The following CALN1 variants were observed in gnomAD, a reference collection of about 807,000 sequenced individuals.
CALN1 encodes calneuron 1.
CALN1 carries 17 observed loss-of-function variants against 30.6 expected under a neutral mutation model. That is an observed-to-expected ratio of 0.56 (90% CI 0.38 to 0.83). CALN1 has a LOEUF of 0.83. Ranked by LOEUF, CALN1 falls within the 40% of genes least tolerant of loss-of-function variation. The probability of loss-of-function intolerance (pLI) is 0.00; values close to 1 mark genes in which losing one functional copy is unlikely to be tolerated. For missense variants in CALN1, 291 were observed against 354.9 expected (o/e 0.82, Z 1.45); for synonymous variants, 156 against 131.4 (o/e 1.19, Z -1.28).
intron 5 of CALN1, among the ~76,000 whole-genome samples, chr7:72,015,274 G>A (rs1197783377): frequency 6.6e-6 from 1 of 152,176 alleles, no homozygotes; most frequent in Non-Finnish European, 1.5e-5. Context: ...TTAAAATCCT[G>A]TAACTAAGTG....
At chr7:72,125,333 A>T (rs1195966165) in intron 3 of CALN1, among the ~76,000 whole-genome samples, 2 of 152,154 alleles carry the variant, frequency 1.3e-5, no homozygotes, top group African/African-American at 4.8e-5. Context: ...TTTATCTATC[A>T]GATGCAAATG....
intron 2 of CALN1, among the ~76,000 whole-genome samples, chr7:72,393,061 T>G (rs559098198): frequency 1.3e-5 from 2 of 152,000 alleles, no homozygotes; most frequent in African/African-American, 4.8e-5. Flanking sequence ...TCTCAGTGAT[T>G]CCAATTTTTT....
chr7:72,173,085 C>A, intron 3 of CALN1, among the ~76,000 whole-genome samples: 2 of 151,288 alleles, frequency 1.3e-5, no homozygotes, highest in African/African-American at 2.4e-5. Context: ...AAAACAATTT[C>A]TAAAAAGAAT....
At chr7:72,359,755 C>A (rs1174465831) in intron 2 of CALN1, among the ~76,000 whole-genome samples, 3 of 151,838 alleles carry the variant, frequency 2.0e-5, no homozygotes, top group African/African-American at 7.3e-5. Context: ...GCGAGAGGAT[C>A]ACAAGGTCAG....
chr7:71,872,412 G>A (rs1350657157), intron 5 of CALN1, among the ~76,000 whole-genome samples: 1 of 152,122 alleles, frequency 6.6e-6, no homozygotes, highest in African/African-American at 2.4e-5. Flanking sequence ...GTACCAGAAT[G>A]TATTGTTTCC....
intron 5 of CALN1, among the ~76,000 whole-genome samples, chr7:71,973,262 G>A (rs1272635349): frequency 2.6e-5 from 4 of 151,776 alleles, no homozygotes; most frequent in Non-Finnish European, 4.4e-5. Flanking sequence ...TGCAACCTCT[G>A]CCTCCCGGGT....
At chr7:72,358,889 C>T (rs1442143059) in intron 2 of CALN1, among the ~76,000 whole-genome samples, 3 of 151,186 alleles carry the variant, frequency 2.0e-5, no homozygotes, top group Admixed American at 6.6e-5. Context: ...ACCCAGGAGG[C>T]GGAGGTTGCA....
At chr7:72,120,159 A>C (rs996019900) in intron 3 of CALN1, among the ~76,000 whole-genome samples, 5 of 152,046 alleles carry the variant, frequency 3.3e-5, no homozygotes, top group African/African-American at 1.2e-4. Flanking sequence ...CGTATTTTTC[A>C]ATGAAAAATG....
At chr7:72,465,823 A>G in the CALN1 span, among the ~76,000 whole-genome samples, 1 of 152,326 alleles carries the variant, frequency 6.6e-6, no homozygotes, top group East Asian at 1.9e-4. Context: ...TGCCACTCAG[A>G]GCGCGGAATC....
chr7:72,453,026 G>A, the CALN1 span, among the ~76,000 whole-genome samples: 1 of 152,230 alleles, frequency 6.6e-6, no homozygotes, highest in African/African-American at 2.4e-5. Flanking sequence ...CCTCCAGCAA[G>A]CTTTGGTTCT....
At chr7:72,048,125 C>T (rs889282020) in intron 4 of CALN1, among the ~76,000 whole-genome samples, 3 of 151,036 alleles carry the variant, frequency 2.0e-5, no homozygotes, top group East Asian at 1.9e-4. Context: ...CTGCAACCTC[C>T]GCCTCCCAGG....
At chr7:72,448,604 T>C (rs571818329), upstream of CALN1, among the ~76,000 whole-genome samples, 3 of 151,816 alleles carry the variant, frequency 2.0e-5, no homozygotes, top group Middle Eastern at 3.4e-3. Context: ...TGGTGGCACC[T>C]TGCGTGATCT....
chr7:72,437,159 T>G (rs1298532916), intron 1 of CALN1, among the ~76,000 whole-genome samples: 1 of 152,004 alleles, frequency 6.6e-6, no homozygotes, highest in African/African-American at 2.4e-5. Flanking sequence ...GAGGGAGAGT[T>G]TTGAAAATGC....
intron 3 of CALN1, among the ~76,000 whole-genome samples, chr7:72,145,731 T>C (rs1278063229): frequency 6.6e-6 from 1 of 152,168 alleles, no homozygotes; most frequent in African/African-American, 2.4e-5. Context: ...AATAAAATAC[T>C]GGCAAACCGA....
intron 5 of CALN1, among the ~76,000 whole-genome samples, chr7:71,854,972 G>A (rs373745994): frequency 7.9e-5 from 12 of 152,298 alleles, no homozygotes; most frequent in African/African-American, 2.6e-4. Flanking sequence ...ACCCTGTCTG[G>A]ACAAGGGCTA....
At chr7:71,920,330 C>CTTTTTT (rs71092931) in intron 5 of CALN1, among the ~76,000 whole-genome samples, 21 of 98,714 alleles carry the variant, frequency 2.1e-4, no homozygotes, top group Non-Finnish European at 3.2e-4. Flanking sequence ...CAAATTAGTT[C>CTTTTTT]TTTTTTTTTT....
In CALN1 at chr7:71,978,262, C is replaced by CTTTTTTTTT. The variant is rs1010635078; in HGVS notation, c.501+45386_501+45394dup. Among the ~76,000 whole-genome samples, 485 of 72,928 alleles carry CTTTTTTTTT rather than the reference C, an allele frequency of 6.7e-3. 43 individuals carry two copies. Among genetic ancestry groups the CTTTTTTTTT allele is most frequent in the East Asian group, 0.044 (74 of 1,676 alleles). 47.8% of individuals were successfully genotyped at this position (72,928 alleles called of 152,430 possible). The stretch of plus-strand genomic sequence containing the variant: ...AAAAACTCAGGGACTCTAGAGAATT[C>CTTTTTTTTT]TTTTTTTTTTTTTTTTTTTTTTTTT... On this transcript the variant is annotated intron_variant, in intron 5 of 6. Transcript: ENST00000395275.
chr7:72,031,870 T>C (rs952586469), intron 4 of CALN1, among the ~76,000 whole-genome samples: 4 of 151,384 alleles, frequency 2.6e-5, no homozygotes, highest in African/African-American at 9.7e-5. Flanking sequence ...GCCTCCCAAG[T>C]AGCTGTGATT....
intron 4 of CALN1, among the ~76,000 whole-genome samples, chr7:72,057,500 G>T (rs1803343123): frequency 7.3e-6 from 1 of 136,262 alleles, no homozygotes; most frequent in African/African-American, 2.8e-5. Context: ...AACATTATTT[G>T]TAACAGTGAG....
Sources: allele counts gnomAD v4.1 joint callset (sites outside exome capture counted in the v4.1 genomes callset), GRCh38; gene constraint gnomAD v4.1.1; transcripts MANE v1.5; gene names NCBI Gene and HGNC (gene_info 2026-07-23, HGNC 2026-07-21).